Variants in UBE2K observed in about 807,000 individuals in gnomAD.
UBE2K encodes ubiquitin conjugating enzyme E2 K.
In UBE2K, 6 loss-of-function variants were observed where a neutral mutation model predicts 30.0. The ratio of observed to expected loss-of-function variants is 0.20; its 90% CI spans 0.11 to 0.39. The LOEUF (loss-of-function observed/expected upper bound fraction) is 0.39. Among genes scored for constraint, UBE2K ranks in the 10% least tolerant of loss-of-function variants. UBE2K has a pLI of 1.00. For synonymous variants in UBE2K, 86 were observed against 83.7 expected, an observed-to-expected ratio of 1.03 and a Z score of -0.15; for missense variants, 61 against 241.6, an observed-to-expected ratio of 0.25 and a Z score of 4.96.
intron 1 of UBE2K, among the ~76,000 whole-genome samples, chr4:39,701,173 A>T (rs552749440): frequency 6.6e-6 from 1 of 152,048 alleles, no homozygotes; most frequent in African/African-American, 2.4e-5. Context: ...TCTTTGTTTT[A>T]GATGTTTGTT....
intron 1 of UBE2K, among the ~76,000 whole-genome samples, chr4:39,720,837 G>A (rs986696991): frequency 2.6e-5 from 4 of 152,092 alleles, no homozygotes; most frequent in African/African-American, 9.7e-5. Flanking sequence ...CTGAACTCCA[G>A]GGCTCAAGTG....
At chr4:39,758,895 C>T (rs1711675198) in intron 4 of UBE2K, among the ~76,000 whole-genome samples, 3 of 152,120 alleles carry the variant, frequency 2.0e-5, no homozygotes. Flanking sequence ...ACATTTTTTA[C>T]ATCAACTATT....
chr4:39,771,044 C>A (rs1379239451), intron 4 of UBE2K: 1 of 1,612,264 alleles, frequency 6.2e-7, no homozygotes, highest in Non-Finnish European at 8.5e-7. Flanking sequence ...TCTTTGAGGC[C>A]TATTTTGGGC....
chr4:39,718,682 G>A lies in UBE2K; in HGVS notation c.64-18738G>A, dbSNP rs367981827. On this transcript the variant is annotated intron_variant, in intron 1 of 6. Transcript: ENST00000261427. ...GCTAAGGCCTGGTGAGAAATTGAGC[G>A]CAGCGCTGGTGGGCCAGCACTGCTG... 5.9e-5 allele frequency among the ~76,000 whole-genome samples: 9 copies of A among 152,358 alleles called. No individual in the cohort carries two copies. In the South Asian group the frequency reaches 1.2e-3, roughly 21 times the overall value.
intron 2 of UBE2K, among the ~76,000 whole-genome samples, chr4:39,739,739 C>T (rs1042773808): frequency 9.9e-5 from 15 of 152,048 alleles, no homozygotes; most frequent in East Asian, 3.9e-4. Context: ...GCCACCGCAC[C>T]GCACCCAGCC....
chr4:39,738,745 T>G (rs1303848613), intron 2 of UBE2K, among the ~76,000 whole-genome samples: 1 of 152,118 alleles, frequency 6.6e-6, no homozygotes, highest in African/African-American at 2.4e-5. Flanking sequence ...TGGTGAAATC[T>G]TGGCTCACTG....
At position 39,707,276 on chromosome 4, in the gene UBE2K, G is replaced by C. The variant is rs557564272; in HGVS notation, c.63+8886G>C. On this transcript the variant is annotated intron_variant, in intron 1 of 6. Coordinates refer to ENST00000261427, the MANE Select transcript of UBE2K (RefSeq NM_005339.5). ...CACCCAGGCTGGAGTGCGGTGACAT[G>C]ATCTTGGCTCACTGCAGCTTCTGCT... Among the ~76,000 whole-genome samples the C allele has an allele frequency of 1.2e-4, 18 of 151,848 alleles. 2 individuals are homozygous for C. Among genetic ancestry groups the C allele is most frequent in the Middle Eastern group, 3.4e-3 (1 of 294 alleles).
Position 39,737,398 on chromosome 4 carries a change from T to A in UBE2K, c.64-22T>A, listed in dbSNP as rs776932999. 9 of 1,463,938 alleles carry A rather than the reference T, an allele frequency of 6.1e-6. No individual in the cohort carries two copies. The East Asian group carries it at 2.0e-4, about 32-fold the overall frequency. 90.7% of individuals were successfully genotyped at this position (1,463,938 alleles called of 1,614,324 possible). ...TTTTTCTTGCTGACATAACTAACAT[T>A]TATTTTCTGTTTATTTTTAAGACGA... On this transcript the variant is annotated intron_variant, in intron 1 of 6. Coordinates refer to ENST00000261427, the MANE Select transcript of UBE2K (RefSeq NM_005339.5).
intron 4 of UBE2K, among the ~76,000 whole-genome samples, chr4:39,763,357 T>G (rs1712099526): frequency 6.6e-6 from 1 of 150,944 alleles, no homozygotes; most frequent in Non-Finnish European, 1.5e-5. Context: ...GTGCAAGTGA[T>G]TCTCCTGCCT....
At chr4:39,724,366 A>G (rs1304028892) in intron 1 of UBE2K, among the ~76,000 whole-genome samples, 3 of 151,844 alleles carry the variant, frequency 2.0e-5, no homozygotes, top group Admixed American at 6.6e-5. Flanking sequence ...TGGCTTCCCA[A>G]AGTGCTGGGA....
chr4:39,705,609 G>T (rs1353954151), intron 1 of UBE2K, among the ~76,000 whole-genome samples: 1 of 152,122 alleles, frequency 6.6e-6, no homozygotes, highest in Non-Finnish European at 1.5e-5. Flanking sequence ...ACAAAGGATA[G>T]ATAAAAATGG....
At chr4:39,746,634 A>G (rs1195083328) in intron 3 of UBE2K, among the ~76,000 whole-genome samples, 1 of 152,134 alleles carries the variant, frequency 6.6e-6, no homozygotes, top group Admixed American at 6.6e-5. Flanking sequence ...TTCCCACTCT[A>G]ATCTTCTACC....
intron 1 of UBE2K, among the ~76,000 whole-genome samples, chr4:39,716,706 T>G (rs1195893294): frequency 6.6e-6 from 1 of 151,976 alleles, no homozygotes; most frequent in Non-Finnish European, 1.5e-5. Context: ...ACAGAATATT[T>G]AAAAAATGAG....
intron 1 of UBE2K, among the ~76,000 whole-genome samples, chr4:39,729,024 T>C (rs1485177488): frequency 6.7e-6 from 1 of 149,732 alleles, no homozygotes; most frequent in Non-Finnish European, 1.5e-5. Flanking sequence ...GCTGGAGTAC[T>C]GTGCTTCTGT....
intron 3 of UBE2K, among the ~76,000 whole-genome samples, chr4:39,750,537 G>A (rs1451707666): frequency 6.6e-6 from 1 of 152,108 alleles, no homozygotes; most frequent in East Asian, 1.9e-4. Flanking sequence ...TACTAGTTTT[G>A]TATATAAAAA....
At position 39,781,098 on chromosome 4, in the gene UBE2K, G is replaced by A. The variant is rs1713584141; in HGVS notation, c.*2664G>A. 1 of 152,024 alleles carries A rather than the reference G, an allele frequency of 6.6e-6. No individual in the cohort carries two copies. Among genetic ancestry groups the A allele is most frequent in the African/African-American group, 2.4e-5 (1 of 41,506 alleles). The allele number at this position is 152,024 out of a possible 1,614,324, so 9.4% of individuals were successfully genotyped here. On this transcript the variant is annotated 3_prime_UTR_variant, in exon 7 of 7. Transcript: ENST00000261427. ...AGCTGTATAGTATTTCAGTACTGAT[G>A]AATGAATGAATGAATGAATGGCAGT...
At chr4:39,718,720 G>A (rs948902271) in intron 1 of UBE2K, among the ~76,000 whole-genome samples, 7 of 152,232 alleles carry the variant, frequency 4.6e-5, no homozygotes, top group South Asian at 2.1e-4. Context: ...GGACCCGGCC[G>A]CATCCTCCGC....
rs1553874880 is a variant in UBE2K at position 39,714,517 on chromosome 4, C to CATCTATATATATATATATATATATATAT, written c.63+16129_63+16130insCTATATATATATATATATATATATATAT. 3.1e-4 allele frequency: 13 copies of CATCTATATATATATATATATATATATAT among 41,638 alleles called. 1 individual carries two copies. The highest frequency in any genetic ancestry group is 1.1e-3 in the African/African-American group (8 of 7,532). The allele number at this position is 41,638 out of a possible 1,614,324, so 2.6% of individuals were successfully genotyped here. A position where few individuals can be genotyped will look rare whatever the true frequency, so the allele number is the denominator to read the frequency against. ...TGTCCTCCTTGTCTTTTAGAAGTTT[C>CATCTATATATATATATATATATATATAT]ATATATATATATATATATATATATA... On this transcript the variant is annotated intron_variant, in intron 1 of 6. Coordinates refer to ENST00000261427, the MANE Select transcript of UBE2K (RefSeq NM_005339.5).
chr4:39,738,041 G>A (rs1720468155), intron 2 of UBE2K, among the ~76,000 whole-genome samples: 2 of 152,138 alleles, frequency 1.3e-5, no homozygotes, highest in Admixed American at 1.3e-4. Flanking sequence ...TGAACTTGGT[G>A]TTCACAAATT....
Sources: allele counts gnomAD v4.1 joint callset (sites outside exome capture counted in the v4.1 genomes callset), GRCh38; gene constraint gnomAD v4.1.1; transcripts MANE v1.5; gene names NCBI Gene and HGNC (gene_info 2026-07-23, HGNC 2026-07-21).